CADPS2: variants seen among roughly 807,000 people sequenced by gnomAD.
CADPS2 encodes calcium dependent secretion activator 2, also known as calcium-dependent secretion activator 2.
CADPS2 carries 93 observed loss-of-function variants against 172.5 expected under a neutral mutation model. The observed-to-expected ratio is 0.54, with a 90% CI of 0.46 to 0.64. The LOEUF is 0.64. Ranked by LOEUF, CADPS2 falls within the 30% of genes least tolerant of loss-of-function variation. The pLI, the probability that CADPS2 is intolerant of heterozygous loss-of-function variation, is 0.00. For synonymous variants in CADPS2, 546 were observed against 555.2 expected, an observed-to-expected ratio of 0.98 and a Z score of 0.23; for missense variants, 1,420 against 1,565.9, an observed-to-expected ratio of 0.91 and a Z score of 1.57.
At chr7:122,734,955 A>G (rs1367620417) in intron 2 of CADPS2, among the ~76,000 whole-genome samples, 3 of 152,134 alleles carry the variant, frequency 2.0e-5, no homozygotes, top group Admixed American at 2.0e-4. Context: ...CCACCTCTTC[A>G]ATGCTTACAT....
At chr7:122,790,258 G>A (rs1301790520) in intron 1 of CADPS2, among the ~76,000 whole-genome samples, 1 of 151,622 alleles carries the variant, frequency 6.6e-6, no homozygotes, top group African/African-American at 2.4e-5. Flanking sequence ...AATTAGCCAG[G>A]TGCAGTGATG....
At chr7:122,497,967 GCTT>G (rs1369643332) in intron 9 of CADPS2, among the ~76,000 whole-genome samples, 1 of 151,974 alleles carries the variant, frequency 6.6e-6, no homozygotes. Context: ...CTTGTAATTT[GCTT>G]TTTTTTGAGA....
At chr7:122,881,327 T>C (rs1385516841) in intron 1 of CADPS2, among the ~76,000 whole-genome samples, 1 of 152,190 alleles carries the variant, frequency 6.6e-6, no homozygotes, top group Non-Finnish European at 1.5e-5. Context: ...ACAACGTCAC[T>C]TAATCTGTCT....
intron 1 of CADPS2, among the ~76,000 whole-genome samples, chr7:122,871,106 T>C (rs958343765): frequency 3.1e-4 from 47 of 149,288 alleles, no homozygotes; most frequent in Non-Finnish European, 5.7e-4. Context: ...GGTCCTAAGA[T>C]AGAAAACTGA....
chr7:122,835,677 G>T (rs1808161789), intron 1 of CADPS2, among the ~76,000 whole-genome samples: 1 of 152,080 alleles, frequency 6.6e-6, no homozygotes, highest in Non-Finnish European at 1.5e-5. Context: ...TGGAAGAAAG[G>T]GTATCAGTGA....
At chr7:122,450,262 C>T (rs2052885145) in intron 15 of CADPS2, among the ~76,000 whole-genome samples, 1 of 151,982 alleles carries the variant, frequency 6.6e-6, no homozygotes, top group Admixed American at 6.6e-5. Context: ...AAAATAAGAG[C>T]ATATTCACTA....
chr7:122,472,174 G>A (rs187578586), intron 13 of CADPS2, among the ~76,000 whole-genome samples: 10 of 152,208 alleles, frequency 6.6e-5, no homozygotes, highest in Middle Eastern at 3.4e-3. Flanking sequence ...CAGTTGATGC[G>A]GCTAAAACTG....
At chr7:122,731,671 G>A (rs1424706862) in intron 2 of CADPS2, among the ~76,000 whole-genome samples, 2 of 140,196 alleles carry the variant, frequency 1.4e-5, no homozygotes, top group Admixed American at 7.3e-5. Flanking sequence ...AAGGTGAAGA[G>A]GGGAAAAAAA....
chr7:122,477,828 CA>C (rs2056878104), intron 12 of CADPS2, among the ~76,000 whole-genome samples: 1 of 152,088 alleles, frequency 6.6e-6, no homozygotes, highest in South Asian at 2.1e-4. Context: ...AAATCACTAA[CA>C]GTACGATTGT....
chr7:122,664,723 T>G (rs2080995984), intron 2 of CADPS2, among the ~76,000 whole-genome samples: 1 of 152,202 alleles, frequency 6.6e-6, no homozygotes, highest in Non-Finnish European at 1.5e-5. Flanking sequence ...GCAGGACAAT[T>G]TAATAGAACC....
chr7:122,476,723 C>A (rs1329267755), intron 12 of CADPS2, among the ~76,000 whole-genome samples: 1 of 152,086 alleles, frequency 6.6e-6, no homozygotes, highest in Non-Finnish European at 1.5e-5. Flanking sequence ...AGAAAATCAA[C>A]AACCTTCAAT....
chr7:122,521,682 G>A (rs918288403), intron 8 of CADPS2, among the ~76,000 whole-genome samples: 2 of 152,080 alleles, frequency 1.3e-5, no homozygotes, highest in African/African-American at 4.8e-5. Context: ...CATTTGTGGA[G>A]AAATTATGAC....
chr7:122,542,432 A>T (rs1351615773), intron 8 of CADPS2, among the ~76,000 whole-genome samples: 1 of 152,164 alleles, frequency 6.6e-6, no homozygotes. Flanking sequence ...GGTTTTCTAT[A>T]ACTAAGTGCA....
At chr7:122,400,204 G>A (rs907522512) in intron 20 of CADPS2, among the ~76,000 whole-genome samples, 1 of 151,944 alleles carries the variant, frequency 6.6e-6, no homozygotes, top group Non-Finnish European at 1.5e-5. Context: ...GGGAGGCCGA[G>A]GCGGGTGGAT....
intron 1 of CADPS2, among the ~76,000 whole-genome samples, chr7:122,819,143 T>C (rs1301565203): frequency 4.6e-5 from 7 of 152,200 alleles, no homozygotes; most frequent in African/African-American, 9.6e-5. Flanking sequence ...ACGCCTGAAC[T>C]GCAGCAGCCA....
chr7:122,734,369 A>AAAAAAAAG, intron 2 of CADPS2, among the ~76,000 whole-genome samples: 1 of 90,908 alleles, frequency 1.1e-5, no homozygotes, highest in Non-Finnish European at 2.6e-5. Flanking sequence ...AAAAAAAAAA[A>AAAAAAAAG]AAAAAAAAAA....
In CADPS2 at chr7:122,438,338, G is replaced by A; in HGVS notation, c.2476+3C>T. ...CACTTCGACAATTGCTCACTGCACT[G>A]ACCTTCTATTTTGGCATATTCTGTG... On this transcript the variant is annotated splice_donor_region_variant and intron_variant, in intron 17 of 29. Coordinates refer to ENST00000449022, the MANE Select transcript of CADPS2 (RefSeq NM_017954.11). The A allele has an allele frequency of 6.2e-7, 1 of 1,612,768 alleles. No homozygotes were observed. Among genetic ancestry groups the A allele is most frequent in the South Asian group, 1.1e-5 (1 of 91,026 alleles).
At chr7:122,516,747 G>A (rs976035638) in intron 8 of CADPS2, among the ~76,000 whole-genome samples, 2 of 152,198 alleles carry the variant, frequency 1.3e-5, no homozygotes, top group Non-Finnish European at 2.9e-5. Context: ...CATATTATAT[G>A]CATAGAGAAA....
intron 2 of CADPS2, among the ~76,000 whole-genome samples, chr7:122,727,593 G>T (rs2091238130): frequency 6.6e-6 from 1 of 151,808 alleles, no homozygotes; most frequent in Non-Finnish European, 1.5e-5. Flanking sequence ...AAAAATGCAT[G>T]AAGAGAGAAG....
Sources: allele counts gnomAD v4.1 joint callset (sites outside exome capture counted in the v4.1 genomes callset), GRCh38; gene constraint gnomAD v4.1.1; transcripts MANE v1.5; gene names NCBI Gene and HGNC (gene_info 2026-07-23, HGNC 2026-07-21).